The following HMGA2 variants were observed in gnomAD, a reference collection of about 807,000 sequenced individuals.
The protein encoded by HMGA2 is high mobility group AT-hook 2.
Under a neutral mutation model 19.1 loss-of-function variants are expected in HMGA2, and 8 were observed. The observed-to-expected ratio is 0.42, with a 90% CI of 0.25 to 0.76. The LOEUF (loss-of-function observed/expected upper bound fraction) is 0.76, where lower values mean the gene tolerates loss of function less well. HMGA2 is among the 30% of genes least tolerant of loss of function. HMGA2 has a pLI of 0.28. For synonymous variants in HMGA2, 60 were observed against 48.8 expected (o/e 1.23, Z -0.96); for missense variants, 109 against 136.3 (o/e 0.80, Z 1.00).
chr12:65,904,024 C>A (rs777867609), intron 3 of HMGA2, among the ~76,000 whole-genome samples: 9 of 152,232 alleles, frequency 5.9e-5, no homozygotes, highest in Non-Finnish European at 1.0e-4. Context: ...CAAAACCAAA[C>A]ACATCGCGTA....
At chr12:65,831,832 T>G (rs988873397) in intron 2 of HMGA2, among the ~76,000 whole-genome samples, 2 of 151,900 alleles carry the variant, frequency 1.3e-5, no homozygotes, top group African/African-American at 4.8e-5. Context: ...AAATGCTGAG[T>G]GAGGACAGAA....
In HMGA2 at chr12:65,834,288, T is replaced by C. The variant is rs77808295; in HGVS notation, c.199-4231T>C. Among the ~76,000 whole-genome samples the C allele has an allele frequency of 7.0e-3, 1,070 of 152,320 alleles. 6 individuals carry two copies. The highest frequency in any genetic ancestry group is 0.011 in the Non-Finnish European group (732 of 68,028). On this transcript the variant is annotated intron_variant, in intron 2 of 4. Coordinates refer to ENST00000403681, the MANE Select transcript of HMGA2 (RefSeq NM_003483.6). Reference sequence around the variant, plus strand: ...GGCCACTCCAAAGGTTATAAAGGGATTGGAAATGTATGCCTTCTGCGACTG... The same window carrying C: ...GGCCACTCCAAAGGTTATAAAGGGACTGGAAATGTATGCCTTCTGCGACTG...
chr12:65,937,348 G>A (rs749012982), intron 3 of HMGA2, among the ~76,000 whole-genome samples: 13 of 152,092 alleles, frequency 8.5e-5, no homozygotes, highest in Admixed American at 3.3e-4. Flanking sequence ...CCGGAAGAGC[G>A]GCATTGAACA....
At chr12:65,849,397 T>C (rs1420593637) in intron 3 of HMGA2, among the ~76,000 whole-genome samples, 1 of 152,194 alleles carries the variant, frequency 6.6e-6, no homozygotes. Context: ...TTATAAGTTT[T>C]AAGGAAAGGA....
intron 3 of HMGA2, chr12:65,935,100 T>C (rs897639185): frequency 1.3e-5 from 2 of 152,210 alleles, no homozygotes; most frequent in Non-Finnish European, 2.9e-5. Context: ...TGTATGGCTT[T>C]GCATCCTGAA....
At chr12:65,899,118 T>TG (rs1874268760) in intron 3 of HMGA2, among the ~76,000 whole-genome samples, 1 of 137,714 alleles carries the variant, frequency 7.3e-6, no homozygotes, top group African/African-American at 2.7e-5. Context: ...TAAAAGACAA[T>TG]GGAGTCAATT....
At chr12:65,887,181 T>G (rs778180487) in intron 3 of HMGA2, among the ~76,000 whole-genome samples, 9 of 152,224 alleles carry the variant, frequency 5.9e-5, no homozygotes, top group Non-Finnish European at 1.0e-4. Flanking sequence ...CAAAAGAGTT[T>G]GATGACTTGG....
chr12:65,855,454 T>TCACACACACA (rs1287271542), intron 3 of HMGA2, among the ~76,000 whole-genome samples: 2 of 100,514 alleles, frequency 2.0e-5, no homozygotes, highest in African/African-American at 8.0e-5. Context: ...TCTCTCTCTC[T>TCACACACACA]CTCTCACACA....
intron 3 of HMGA2, among the ~76,000 whole-genome samples, chr12:65,900,713 G>T (rs780501835): frequency 6.6e-6 from 1 of 152,134 alleles, no homozygotes; most frequent in Non-Finnish European, 1.5e-5. Flanking sequence ...TAGTACAAGC[G>T]CTGGTAATTA....
At chr12:65,935,064 C>G (rs1048379995) in intron 3 of HMGA2, 1 of 152,180 alleles carries the variant, frequency 6.6e-6, no homozygotes, top group Non-Finnish European at 1.5e-5. Flanking sequence ...TTTCTTGCCC[C>G]CCAGTAGAAG....
intron 3 of HMGA2, among the ~76,000 whole-genome samples, chr12:65,838,982 C>CTTTTTTTTTTT (rs761437964): frequency 9.7e-6 from 1 of 103,142 alleles, no homozygotes; most frequent in African/African-American, 7.0e-5. Flanking sequence ...TTTTCTTTTT[C>CTTTTTTTTTTT]TTTCTTTTTC....
intron 3 of HMGA2, among the ~76,000 whole-genome samples, chr12:65,943,232 T>G (rs548979608): frequency 4.6e-4 from 70 of 152,312 alleles, no homozygotes; most frequent in African/African-American, 1.4e-3. Flanking sequence ...GATGAGCCAA[T>G]GAACCACTTC....
intron 3 of HMGA2, among the ~76,000 whole-genome samples, chr12:65,947,330 G>T (rs1344298279): frequency 1.3e-5 from 2 of 152,084 alleles, no homozygotes; most frequent in Non-Finnish European, 2.9e-5. Context: ...GCCCAAGCTG[G>T]TCTCGAACTC....
intron 3 of HMGA2, among the ~76,000 whole-genome samples, chr12:65,917,497 G>T (rs1209688710): frequency 6.6e-6 from 1 of 152,188 alleles, no homozygotes; most frequent in Non-Finnish European, 1.5e-5. Flanking sequence ...AACGAATGAG[G>T]GAGGGAATGA....
intron 3 of HMGA2, among the ~76,000 whole-genome samples, chr12:65,934,034 T>G (rs958817433): frequency 2.6e-5 from 4 of 152,224 alleles, no homozygotes; most frequent in Non-Finnish European, 4.4e-5. Context: ...TGCCTCAGCT[T>G]GCAGTAGCAG....
intron 3 of HMGA2, among the ~76,000 whole-genome samples, chr12:65,845,322 G>A (rs1172161318): frequency 6.6e-6 from 1 of 152,156 alleles, no homozygotes; most frequent in Non-Finnish European, 1.5e-5. Context: ...AGGTTGGAGT[G>A]CAGTGGCAAA....
At chr12:65,881,941 A>G (rs923085443) in intron 3 of HMGA2, 19 of 700,714 alleles carry the variant, frequency 2.7e-5, no homozygotes, top group African/African-American at 7.0e-5. Flanking sequence ...AGAGATTCCA[A>G]TTGCGGGGGT....
At chr12:65,916,319 G>A (rs765794792) in intron 3 of HMGA2, among the ~76,000 whole-genome samples, 38 of 152,320 alleles carry the variant, frequency 2.5e-4, no homozygotes, top group Non-Finnish European at 4.6e-4. Flanking sequence ...TTAAGAAGTG[G>A]AAAACTTGAA....
rs1870046226 is a variant in HMGA2 at position 65,824,744 on chromosome 12, TCTCTCTC to T, written c.-526_-520del. The T allele has an allele frequency of 1.7e-5, 4 of 231,496 alleles. No individual in the cohort carries two copies. Among genetic ancestry groups the T allele is most frequent in the Admixed American group, 5.7e-5 (1 of 17,438 alleles). The allele number at this position is 231,496 out of a possible 1,614,324, so 14.3% of individuals were successfully genotyped here. ...CTCTCTCTCTCTCTCTCTCTCTCTC[TCTCTCTC>T]TCTCTCTCTCTCTCTCTCGCAGGGT... is the stretch of plus-strand genomic sequence containing the variant. On this transcript the variant is annotated 5_prime_UTR_variant, in exon 1 of 5. Coordinates refer to ENST00000403681, the MANE Select transcript of HMGA2 (RefSeq NM_003483.6).
Sources: gnomAD v4.1 joint callset for allele counts (sites outside exome capture counted in the v4.1 genomes callset) on GRCh38, gnomAD v4.1.1 for gene constraint, MANE v1.5 for transcripts, NCBI Gene and HGNC (gene_info 2026-07-23, HGNC 2026-07-21) for gene names.